TUBB8B: variants seen among roughly 807,000 people sequenced by gnomAD.
The protein encoded by TUBB8B is tubulin beta 8B.
TUBB8B carries 26 observed loss-of-function variants against 31.9 expected under a neutral mutation model. That is an observed-to-expected ratio of 0.81 (90% CI 0.60 to 1.13). TUBB8B has a LOEUF of 1.13. Ranked by LOEUF, TUBB8B falls within the 50% of genes most tolerant of loss-of-function variation. The pLI is 0.00. For synonymous variants in TUBB8B, 173 were observed against 231.0 expected (o/e 0.75, Z 2.28); for missense variants, 467 against 586.7 (o/e 0.80, Z 2.11).
the TUBB8B span, among the ~76,000 whole-genome samples, chr18:67,521 T>C: frequency 0.026 from 2,899 of 110,514 alleles, no homozygotes; most frequent in Middle Eastern, 0.08. Flanking sequence ...TTTAATATTT[T>C]TGTAGGGACG....
At chr18:63,718 A>ACCCTAAC in the TUBB8B span, among the ~76,000 whole-genome samples, 4 of 141,684 alleles carry the variant, frequency 2.8e-5, no homozygotes, top group Middle Eastern at 3.8e-3. Context: ...CCTAACACTA[A>ACCCTAAC]CCCTAACCCC....
At chr18:64,130 T>C in the TUBB8B span, among the ~76,000 whole-genome samples, 1 of 151,292 alleles carries the variant, frequency 6.6e-6, no homozygotes, top group African/African-American at 2.4e-5. Context: ...ACACTAACCA[T>C]CTAACCCTTC....
At chr18:65,951 G>C in the TUBB8B span, among the ~76,000 whole-genome samples, 19 of 152,156 alleles carry the variant, frequency 1.2e-4, no homozygotes, top group Non-Finnish European at 1.2e-4. Flanking sequence ...ATTCCAGACG[G>C]GGGGTGGTGG....
the TUBB8B span, among the ~76,000 whole-genome samples, chr18:63,691 CT>C: frequency 6.7e-3 from 893 of 133,752 alleles, 8 homozygotes; most frequent in Non-Finnish European, 0.011. Context: ...ACCCTAACCC[CT>C]AACCCTAACC....
chr18:63,560 C>A, the TUBB8B span, among the ~76,000 whole-genome samples: 1 of 151,632 alleles, frequency 6.6e-6, no homozygotes, highest in African/African-American at 2.4e-5. Context: ...AGAACTTGGT[C>A]TCACCCAAGG....
chr18:63,917 A>T, the TUBB8B span, among the ~76,000 whole-genome samples: 1 of 140,198 alleles, frequency 7.1e-6, no homozygotes, highest in East Asian at 2.1e-4. Flanking sequence ...CCAAACCCTA[A>T]CCCTAGTCCT....
the TUBB8B span, among the ~76,000 whole-genome samples, chr18:63,854 AC>A: frequency 7.3e-6 from 1 of 137,674 alleles, no homozygotes; most frequent in Non-Finnish European, 1.6e-5. Context: ...CTTAACCATG[AC>A]CCCTAACCAC....
chr18:69,368 G>A, the TUBB8B span, among the ~76,000 whole-genome samples: 1,077 of 152,286 alleles, frequency 7.1e-3, 5 homozygotes, highest in African/African-American at 0.025. Flanking sequence ...GGAGGCTGAA[G>A]CGGGAGGATG....
At chr18:54,589 T>C (rs1223722461), upstream of TUBB8B, among the ~76,000 whole-genome samples, 1 of 151,942 alleles carries the variant, frequency 6.6e-6, no homozygotes, top group African/African-American at 2.4e-5. Context: ...ACATCAATTA[T>C]TTCAAATTTT....
upstream of TUBB8B, among the ~76,000 whole-genome samples, chr18:52,967 T>C (rs1906170327): frequency 6.6e-6 from 1 of 151,828 alleles, no homozygotes; most frequent in South Asian, 2.1e-4. Context: ...AATTAACCCG[T>C]TGACCTAAGC....
the TUBB8B span, among the ~76,000 whole-genome samples, chr18:67,196 C>T: frequency 3.1e-3 from 473 of 152,274 alleles, 1 homozygote; most frequent in African/African-American, 0.011. Flanking sequence ...GGGGTTTCAC[C>T]GTGTTAGCCA....
the TUBB8B span, among the ~76,000 whole-genome samples, chr18:64,472 C>T: frequency 6.6e-6 from 1 of 152,074 alleles, no homozygotes; most frequent in Admixed American, 6.6e-5. Context: ...TGCCTATAAT[C>T]GCAGCACTTT....
chr18:47,415 T>C lies in TUBB8B; in HGVS notation c.1310A>G (p.Glu437Gly), dbSNP rs1905648678. The C allele has an allele frequency of 2.5e-6, 3 of 1,183,250 alleles. No individual in the cohort carries two copies. Among genetic ancestry groups the C allele is most frequent in the African/African-American group, 3.2e-5 (2 of 62,342 alleles). 73.3% of individuals were successfully genotyped at this position (1,183,250 alleles called of 1,614,324 possible). A position where few individuals can be genotyped will look rare whatever the true frequency, so the allele number is the denominator to read the frequency against. Reference protein sequence around the residue: ...DATAEEEEDEEYAEEEVA With the variant: ...DATAEEEEDEGYAEEEVA ...CTAGGCCACCTCCTCCTCGGCATAC[T>C]CCTCATCCTCCTCCTCCTCGGCCGT... The change falls in exon 4 of 4, where the codon GAG (glutamate) becomes GGG (glycine). Residue 437 changes from glutamate (E) to glycine (G), a missense_variant. Transcript: ENST00000308911.
chr18:73,107 G>A, the TUBB8B span, among the ~76,000 whole-genome samples: 1 of 151,448 alleles, frequency 6.6e-6, no homozygotes, highest in Admixed American at 6.6e-5. Flanking sequence ...CCGGTACCAG[G>A]GTCTCTCCCC....
the TUBB8B span, among the ~76,000 whole-genome samples, chr18:61,431 T>C: frequency 6.6e-6 from 1 of 151,622 alleles, no homozygotes; most frequent in Non-Finnish European, 1.5e-5. Context: ...TTGGAGTATT[T>C]AGTTCATGTA....
chr18:52,914 A>C (rs1455840413), upstream of TUBB8B, among the ~76,000 whole-genome samples: 3 of 151,848 alleles, frequency 2.0e-5, no homozygotes, highest in Admixed American at 1.3e-4. Flanking sequence ...TGGAAGGTGC[A>C]GATGTACTCA....
Position 49,240 on chromosome 18 carries a change from G to A in TUBB8B, c.58-3C>T, listed in dbSNP as rs752210154. Reference sequence around the variant, plus strand: ...TCATCAGAGATCACCTCCCAGAACTGCAAGAGACGGGAGGGGCCAGACAGG... The same window carrying A: ...TCATCAGAGATCACCTCCCAGAACTACAAGAGACGGGAGGGGCCAGACAGG... On this transcript the variant is annotated splice_region_variant and splice_polypyrimidine_tract_variant and intron_variant, in intron 1 of 3. Transcript: ENST00000308911. The A allele has an allele frequency of 3.2e-5, 49 of 1,533,238 alleles. No individual in the cohort carries two copies. The East Asian group carries it at 7.1e-4, about 22-fold the overall frequency. The allele number at this position is 1,533,238 out of a possible 1,614,324, so 95.0% of individuals were successfully genotyped here. A position where few individuals can be genotyped will look rare whatever the true frequency, so the allele number is the denominator to read the frequency against.
At chr18:50,053 G>A, upstream of TUBB8B, 1 of 375,436 alleles carries the variant, frequency 2.7e-6, no homozygotes, top group South Asian at 2.0e-5. Context: ...CTTTGGAGCA[G>A]TTCAAACCCG....
At chr18:54,579 A>C (rs184139945), upstream of TUBB8B, among the ~76,000 whole-genome samples, 16 of 151,962 alleles carry the variant, frequency 1.1e-4, no homozygotes, top group African/African-American at 3.4e-4. Flanking sequence ...ACTCTCTATG[A>C]CATCAATTAT....
Sources: allele counts gnomAD v4.1 joint callset (sites outside exome capture counted in the v4.1 genomes callset), GRCh38; gene constraint gnomAD v4.1.1; transcripts MANE v1.5; gene names NCBI Gene and HGNC (gene_info 2026-07-23, HGNC 2026-07-21).